Variants in SPATS2 observed in about 807,000 individuals in gnomAD.
SPATS2 encodes the protein spermatogenesis associated serine rich 2.
In SPATS2, 38 loss-of-function variants were observed where a neutral mutation model predicts 63.7. The observed-to-expected ratio is 0.60, with a 90% CI of 0.46 to 0.78. The LOEUF (loss-of-function observed/expected upper bound fraction) is 0.78. Ranked by LOEUF, SPATS2 falls within the 30% of genes least tolerant of loss-of-function variation. The pLI is 0.00. For synonymous variants in SPATS2, 207 were observed against 232.9 expected (o/e 0.89, Z 1.01); for missense variants, 588 against 666.2 (o/e 0.88, Z 1.29).
rs111655814 is a variant in SPATS2 at position 49,475,427 on chromosome 12, C to CTTGTTG, written c.26-9139_26-9134dup. 1.2e-3 allele frequency among the ~76,000 whole-genome samples: 176 copies of CTTGTTG among 151,390 alleles called. 1 individual carries two copies. The highest frequency in any genetic ancestry group is 6.8e-3 in the Middle Eastern group (2 of 292). ...TCTTTACTGGTGTACTGGTAGAATT[C>CTTGTTG]TTGTTGTTGTTGTTGTTGTTGTTGT... On this transcript the variant is annotated intron_variant, in intron 3 of 13. Transcript: ENST00000552918.
chr12:49,445,140 G>T (rs1448327634), intron 2 of SPATS2, among the ~76,000 whole-genome samples: 1 of 152,086 alleles, frequency 6.6e-6, no homozygotes, highest in Non-Finnish European at 1.5e-5. Context: ...CTTTCAGTAT[G>T]TTGTTGAAAA....
At position 49,403,457 on chromosome 12, in the gene SPATS2, G is replaced by A. The variant is rs140754863; in HGVS notation, c.-244+32167G>A. On this transcript the variant is annotated intron_variant, in intron 2 of 13. Coordinates refer to ENST00000552918, the MANE Select transcript of SPATS2 (RefSeq NM_023071.4). ...AGCCTGGACAACATGGTGAAATCCC[G>A]TCTCTACTAAAAATACAAAAGTTAG... Among the ~76,000 whole-genome samples, 835 of 152,024 alleles carry A rather than the reference G, an allele frequency of 5.5e-3. 5 individuals are homozygous for A. Among genetic ancestry groups the A allele is most frequent in the African/African-American group, 0.019 (801 of 41,454 alleles).
intron 2 of SPATS2, among the ~76,000 whole-genome samples, chr12:49,449,153 A>G (rs1430345307): frequency 6.6e-6 from 1 of 152,210 alleles, no homozygotes; most frequent in Admixed American, 6.5e-5. Context: ...TGAAGAGAAT[A>G]TAATATTCTT....
chr12:49,505,916 C>T (rs1946647236), intron 9 of SPATS2, among the ~76,000 whole-genome samples: 1 of 152,118 alleles, frequency 6.6e-6, no homozygotes, highest in African/African-American at 2.4e-5. Flanking sequence ...CAGACAGTTC[C>T]CTACTTATGA....
intron 2 of SPATS2, among the ~76,000 whole-genome samples, chr12:49,439,305 G>C (rs959688116): frequency 2.0e-5 from 3 of 152,162 alleles, no homozygotes; most frequent in Admixed American, 6.5e-5. Flanking sequence ...AGGGCTTGCT[G>C]GTCATGGGGA....
intron 2 of SPATS2, among the ~76,000 whole-genome samples, chr12:49,402,127 C>A (rs1481944858): frequency 1.3e-5 from 2 of 152,178 alleles, no homozygotes; most frequent in Non-Finnish European, 2.9e-5. Flanking sequence ...TAGGCATGCA[C>A]CACCATGCCC....
chr12:49,497,208 C>T (rs1408783501), intron 8 of SPATS2, among the ~76,000 whole-genome samples, 199 bp downstream of exon 8: 1 of 152,180 alleles, frequency 6.6e-6, no homozygotes, highest in Admixed American at 6.5e-5. Flanking sequence ...AGTTTAAATG[C>T]TGTACAATCT....
intron 9 of SPATS2, among the ~76,000 whole-genome samples, chr12:49,508,478 A>G (rs1344167121): frequency 6.6e-6 from 1 of 152,184 alleles, no homozygotes; most frequent in African/African-American, 2.4e-5. Flanking sequence ...TGGCCTCCCA[A>G]AGTACTGGGA....
intron 10 of SPATS2, among the ~76,000 whole-genome samples, chr12:49,514,992 G>A (rs1168496818): frequency 1.3e-5 from 2 of 152,092 alleles, no homozygotes; most frequent in Middle Eastern, 3.2e-3. Context: ...GGTTGCCTAC[G>A]ATTGTATGTG....
chr12:49,506,571 G>A (rs896419522), intron 9 of SPATS2, among the ~76,000 whole-genome samples: 5 of 152,282 alleles, frequency 3.3e-5, no homozygotes, highest in African/African-American at 1.2e-4. Context: ...ACAGTTGAAG[G>A]TGAGATTTGG....
Position 49,367,571 on chromosome 12 carries a change from G to C in SPATS2, c.-323G>C. On this transcript the variant is annotated 5_prime_UTR_variant, in exon 1 of 14. Coordinates refer to ENST00000552918, the MANE Select transcript of SPATS2 (RefSeq NM_023071.4). ...CCGGAGCTGGGGCGACGAGGCGATT[G>C]CGGGGGCCTGGGCTAGGTGAGGCTA... The C allele has an allele frequency of 2.5e-6, 1 of 398,510 alleles. No individual in the cohort carries two copies. 24.7% of individuals were successfully genotyped at this position (398,510 alleles called of 1,614,324 possible).
At chr12:49,368,720 G>A (rs1423409771) in intron 1 of SPATS2, among the ~76,000 whole-genome samples, 1 of 152,044 alleles carries the variant, frequency 6.6e-6, no homozygotes, top group African/African-American at 2.4e-5. Flanking sequence ...CTTAATATTT[G>A]GATTTCCAGA....
chr12:49,433,313 C>T (rs1327215329), intron 2 of SPATS2, among the ~76,000 whole-genome samples: 1 of 152,210 alleles, frequency 6.6e-6, no homozygotes, highest in Non-Finnish European at 1.5e-5. Flanking sequence ...CAGGTGTGCA[C>T]CACCATGCCT....
At chr12:49,510,922 G>A (rs1382549547) in intron 9 of SPATS2, among the ~76,000 whole-genome samples, 1 of 152,162 alleles carries the variant, frequency 6.6e-6, no homozygotes, top group Non-Finnish European at 1.5e-5. Flanking sequence ...TTATGCAAAA[G>A]CTTTAGGATA....
At chr12:49,476,721 A>G (rs1263162968) in intron 3 of SPATS2, among the ~76,000 whole-genome samples, 1 of 152,196 alleles carries the variant, frequency 6.6e-6, no homozygotes, top group Non-Finnish European at 1.5e-5. Context: ...TTCCTGTTGC[A>G]CTAAGAAGGT....
At chr12:49,436,172 G>T (rs1164254370) in intron 2 of SPATS2, among the ~76,000 whole-genome samples, 1 of 151,264 alleles carries the variant, frequency 6.6e-6, no homozygotes. Context: ...CCTCCCAGAC[G>T]GGGTGGTGGC....
At chr12:49,404,924 TATTAA>T (rs1944668190) in intron 2 of SPATS2, among the ~76,000 whole-genome samples, 1 of 151,956 alleles carries the variant, frequency 6.6e-6, no homozygotes, top group African/African-American at 2.4e-5. Flanking sequence ...ATGAAAATTA[TATTAA>T]ATTCAAATAT....
rs573156678 is a variant in SPATS2, at chr12:49,391,060, CTT to C, written c.-244+19773_-244+19774del. 5.5e-4 allele frequency among the ~76,000 whole-genome samples: 78 copies of C among 141,602 alleles called. 1 individual carries two copies. Among genetic ancestry groups the C allele is most frequent in the Admixed American group, 4.6e-3 (68 of 14,896 alleles). 92.9% of individuals were successfully genotyped at this position (141,602 alleles called of 152,430 possible). ...GGGAATTCCTCTGGCTCATAGAACT[CTT>C]TTAAATTAAAATTTCAAAAAAAAAT... On this transcript the variant is annotated intron_variant, in intron 2 of 13. Transcript: ENST00000552918.
chr12:49,399,748 A>G (rs1040327297), intron 2 of SPATS2, among the ~76,000 whole-genome samples: 29 of 152,186 alleles, frequency 1.9e-4, no homozygotes, highest in Admixed American at 3.3e-4. Context: ...TTAAAATATG[A>G]AAAAAATGGC....
Sources: allele counts gnomAD v4.1 joint callset (sites outside exome capture counted in the v4.1 genomes callset), GRCh38; gene constraint gnomAD v4.1.1; transcripts MANE v1.5; gene names NCBI Gene and HGNC (gene_info 2026-07-23, HGNC 2026-07-21).